TBC1D5: variants seen among roughly 807,000 people sequenced by gnomAD.
TBC1D5 encodes TBC1 domain family, member 5.
TBC1D5 carries 75 observed loss-of-function variants against 100.3 expected under a neutral mutation model. That is an observed-to-expected ratio of 0.75 (90% confidence interval 0.62 to 0.91). The LOEUF is 0.91. Ranked by LOEUF, TBC1D5 falls within the 40% of genes least tolerant of loss-of-function variation. The pLI, the probability that TBC1D5 is intolerant of heterozygous loss-of-function variation, is 0.00. For synonymous variants in TBC1D5, 323 were observed against 325.6 expected (o/e 0.99, Z 0.09); for missense variants, 910 against 942.4 (o/e 0.97, Z 0.45).
intron 14 of TBC1D5, among the ~76,000 whole-genome samples, chr3:17,298,819 G>A (rs2082521512): frequency 6.6e-6 from 1 of 152,138 alleles, no homozygotes; most frequent in Non-Finnish European, 1.5e-5. Flanking sequence ...ATGACATTGT[G>A]ACAGTAAAAA....
At chr3:17,700,254 G>T (rs1033235156) in intron 1 of TBC1D5, among the ~76,000 whole-genome samples, 11 of 152,000 alleles carry the variant, frequency 7.2e-5, no homozygotes, top group Non-Finnish European at 1.5e-4. Flanking sequence ...AATAAATGGT[G>T]CTGGGAAAAC....
intron 1 of TBC1D5, among the ~76,000 whole-genome samples, chr3:17,624,403 T>G (rs774997600): frequency 8.5e-5 from 13 of 152,138 alleles, no homozygotes; most frequent in Non-Finnish European, 1.3e-4. Context: ...TTCCTCTCCT[T>G]TATGTTGTGT....
intron 1 of TBC1D5, among the ~76,000 whole-genome samples, chr3:17,626,660 G>A (rs1218196820): frequency 6.6e-6 from 1 of 152,122 alleles, no homozygotes; most frequent in African/African-American, 2.4e-5. Flanking sequence ...CAAGACAAGA[G>A]CTGCAAGTTG....
At chr3:17,602,281 T>C (rs2061008936) in intron 2 of TBC1D5, among the ~76,000 whole-genome samples, 2 of 152,178 alleles carry the variant, frequency 1.3e-5, no homozygotes, top group African/African-American at 2.4e-5. Flanking sequence ...ATGGAATACC[T>C]TGGAAACCTG....
intron 2 of TBC1D5, among the ~76,000 whole-genome samples, chr3:17,591,233 CAAAA>C (rs60889092): frequency 8.3e-3 from 154 of 18,604 alleles, no homozygotes; most frequent in African/African-American, 0.015. Flanking sequence ...AAGGATCTGT[CAAAA>C]AAAAAAAAAA....
chr3:17,553,137 G>A (rs1304840375), intron 2 of TBC1D5, among the ~76,000 whole-genome samples: 1 of 152,046 alleles, frequency 6.6e-6, no homozygotes, highest in Non-Finnish European at 1.5e-5. Context: ...AAGAGAGATG[G>A]GTAAGAAAGA....
chr3:17,550,528 G>A (rs1486846534), intron 2 of TBC1D5, among the ~76,000 whole-genome samples: 15 of 149,120 alleles, frequency 1.0e-4, no homozygotes, highest in Non-Finnish European at 1.0e-4. Context: ...CACACACAAA[G>A]TTAAAAACAA....
intron 1 of TBC1D5, chr3:17,672,460 T>C (rs533460257): frequency 6.6e-6 from 1 of 152,326 alleles, no homozygotes; most frequent in African/African-American, 2.4e-5. Context: ...CACGTTGCTG[T>C]GGCAAAATAA....
chr3:17,161,632 C>T (rs2066065714), intron 21 of TBC1D5, among the ~76,000 whole-genome samples: 1 of 152,232 alleles, frequency 6.6e-6, no homozygotes, highest in African/African-American at 2.4e-5. Context: ...CCATGCAAAT[C>T]ACCCATCCTC....
chr3:17,665,006 GTTTT>G (rs1489039049), intron 1 of TBC1D5: 1 of 125,222 alleles, frequency 8.0e-6, no homozygotes, highest in Non-Finnish European at 1.6e-5. Flanking sequence ...AGGCTTTCTG[GTTTT>G]TACCGGAAAG....
intron 19 of TBC1D5, among the ~76,000 whole-genome samples, chr3:17,177,471 G>C (rs1322796521): frequency 6.6e-6 from 1 of 152,250 alleles, no homozygotes; most frequent in East Asian, 1.9e-4. Context: ...AGGGGAGGCA[G>C]TGGGCTCTCT....
chr3:17,510,611 C>A (rs757526230), intron 2 of TBC1D5, among the ~76,000 whole-genome samples: 1 of 151,822 alleles, frequency 6.6e-6, no homozygotes, highest in South Asian at 2.1e-4. Context: ...TGTAGATGAT[C>A]GGTTATAGTA....
chr3:17,465,629 C>T (rs2095288445), intron 3 of TBC1D5: 1 of 152,244 alleles, frequency 6.6e-6, no homozygotes, highest in African/African-American at 2.4e-5. Context: ...TCCACAAACA[C>T]ATACACACTT....
intron 4 of TBC1D5, among the ~76,000 whole-genome samples, chr3:17,418,392 G>A (rs942229317): frequency 6.6e-6 from 1 of 152,082 alleles, no homozygotes; most frequent in Non-Finnish European, 1.5e-5. Context: ...TGGATCACCT[G>A]AGGTCAGGAG....
chr3:17,539,579 C>A (rs371723786), intron 2 of TBC1D5, among the ~76,000 whole-genome samples: 1 of 152,086 alleles, frequency 6.6e-6, no homozygotes, highest in Non-Finnish European at 1.5e-5. Flanking sequence ...TACAAAAAGT[C>A]GTAAGATCTC....
chr3:17,661,779 T>C (rs1359002561), intron 1 of TBC1D5, among the ~76,000 whole-genome samples: 1 of 152,182 alleles, frequency 6.6e-6, no homozygotes, highest in Non-Finnish European at 1.5e-5. Flanking sequence ...ATCACAGGCA[T>C]GAGCCATCGC....
intron 15 of TBC1D5, 55 bp downstream of exon 15, chr3:17,291,840 G>A: frequency 2.0e-6 from 3 of 1,477,830 alleles, no homozygotes; most frequent in Non-Finnish European, 2.8e-6. Flanking sequence ...TCTACACAGA[G>A]AAGCCTATTT....
intron 1 of TBC1D5, among the ~76,000 whole-genome samples, chr3:17,702,555 T>A (rs1198991935): frequency 1.3e-5 from 2 of 152,004 alleles, no homozygotes; most frequent in Admixed American, 6.6e-5. Flanking sequence ...GAAAAAGATG[T>A]CCAAAATCTA....
intron 13 of TBC1D5, among the ~76,000 whole-genome samples, chr3:17,347,967 C>T (rs2090116000): frequency 6.6e-6 from 1 of 152,024 alleles, no homozygotes; most frequent in African/African-American, 2.4e-5. Flanking sequence ...CACATCACTG[C>T]ACTCCAGCCT....
Sources: gnomAD v4.1 joint callset for allele counts (sites outside exome capture counted in the v4.1 genomes callset) on GRCh38, gnomAD v4.1.1 for gene constraint, MANE v1.5 for transcripts, NCBI Gene and HGNC (gene_info 2026-07-23, HGNC 2026-07-21) for gene names.